CNDP1: variants seen among roughly 807,000 people sequenced by gnomAD.
CNDP1 encodes carnosine dipeptidase 1, also known as beta-Ala-His dipeptidase.
In CNDP1, 44 loss-of-function variants were observed where a neutral mutation model predicts 58.1. The observed-to-expected ratio is 0.76, with a 90% CI of 0.60 to 0.97. CNDP1 has a LOEUF of 0.97. Among genes scored for constraint, CNDP1 ranks in the 50% least tolerant of loss-of-function variants. The probability of loss-of-function intolerance (pLI) is 0.00; values close to 1 mark genes in which losing one functional copy is unlikely to be tolerated. For synonymous variants in CNDP1, 254 were observed against 252.6 expected, an observed-to-expected ratio of 1.01 and a Z score of -0.05; for missense variants, 616 against 655.1, an observed-to-expected ratio of 0.94 and a Z score of 0.65.
chr18:74,547,840 G>A (rs915579839), intron 1 of CNDP1, among the ~76,000 whole-genome samples: 6 of 152,174 alleles, frequency 3.9e-5, no homozygotes, highest in South Asian at 2.1e-4. Context: ...TAAACCTCCC[G>A]CTAAGAGTTA....
At position 74,580,256 on chromosome 18, in the gene CNDP1, A is replaced by G; in HGVS notation, c.1294A>G (p.Arg432Gly). ...IDDTQYLAAK[R>G]AIRTVFGTEP... ...TGACACCCAGTATCTCGCAGCAAAA[A>G]GAGCGATCAGAACAGGTGGGACCTT... is the stretch of plus-strand genomic sequence containing the variant. Residue 432 changes from arginine to glycine, a missense_variant, in exon 10 of 12, where the codon AGA (arginine) becomes GGA (glycine). Transcript: ENST00000358821. 6.2e-7 allele frequency: 1 copy of G among 1,614,166 alleles called. No individual in the cohort carries two copies. The highest frequency in any genetic ancestry group is 8.5e-7 in the Non-Finnish European group (1 of 1,179,994).
rs1312120401 is a variant in CNDP1 at position 74,585,877 on chromosome 18, C to G, written c.*1315C>G. 2.0e-5 allele frequency: 3 copies of G among 151,496 alleles called. No homozygotes were observed. Among genetic ancestry groups the G allele is most frequent in the Non-Finnish European group, 4.4e-5 (3 of 67,932 alleles). The allele number at this position is 151,496 out of a possible 1,614,324, so 9.4% of individuals were successfully genotyped here. A position where few individuals can be genotyped will look rare whatever the true frequency, so the allele number is the denominator to read the frequency against. Reference sequence around the variant, plus strand: ...GGCATGGTGGTGCATGCCTGTAGTCCCAGCTACTCGGGAGGCTGAGGCAGG... The same window carrying G: ...GGCATGGTGGTGCATGCCTGTAGTCGCAGCTACTCGGGAGGCTGAGGCAGG... On this transcript the variant is annotated 3_prime_UTR_variant, in exon 12 of 12. Transcript: ENST00000358821.
chr18:74,549,773 G>A (rs1310727319), intron 1 of CNDP1, among the ~76,000 whole-genome samples: 1 of 152,208 alleles, frequency 6.6e-6, no homozygotes, highest in African/African-American at 2.4e-5. Context: ...AGAGGCCTAG[G>A]AGGACTAAAT....
chr18:74,583,158 C>A (rs1438309704), intron 10 of CNDP1, among the ~76,000 whole-genome samples: 3 of 152,106 alleles, frequency 2.0e-5, no homozygotes, highest in African/African-American at 7.2e-5. Flanking sequence ...AGGCATATAC[C>A]ACCATGCCCA....
At chr18:74,570,356 G>T (rs1018434437) in intron 6 of CNDP1, among the ~76,000 whole-genome samples, 1 of 152,132 alleles carries the variant, frequency 6.6e-6, no homozygotes, top group South Asian at 2.1e-4. Flanking sequence ...GGTCTTGTAA[G>T]GAAGAGACTT....
chr18:74,585,420 T>C lies in CNDP1; in HGVS notation c.*858T>C, dbSNP rs1981885868. On this transcript the variant is annotated 3_prime_UTR_variant, in exon 12 of 12. Coordinates refer to ENST00000358821, the MANE Select transcript of CNDP1 (RefSeq NM_032649.6). ...CATCTAAATTGCTCAAAGCTTTTAA[T>C]AGCATCAGTTTTAGATAGAGAACTA... 1 of 152,236 alleles carries C rather than the reference T, an allele frequency of 6.6e-6. No homozygotes were observed. Among genetic ancestry groups the C allele is most frequent in the African/African-American group, 2.4e-5 (1 of 41,458 alleles). The allele number at this position is 152,236 out of a possible 1,614,324, so 9.4% of individuals were successfully genotyped here. A position where few individuals can be genotyped will look rare whatever the true frequency, so the allele number is the denominator to read the frequency against.
chr18:74,570,218 T>TAATAATAATAA (rs56019800), intron 6 of CNDP1, among the ~76,000 whole-genome samples: 13,441 of 97,730 alleles, frequency 0.14, 950 homozygotes, highest in African/African-American at 0.19. Flanking sequence ...ATAATAATAA[T>TAATAATAATAA]TAATAATAAT....
At chr18:74,581,113 A>T (rs889402527) in intron 10 of CNDP1, among the ~76,000 whole-genome samples, 14 of 151,616 alleles carry the variant, frequency 9.2e-5, no homozygotes, top group African/African-American at 3.4e-4. Flanking sequence ...CTTCCTGGTC[A>T]CAAAGAGACT....
Position 74,573,592 on chromosome 18 carries a change from A to G in CNDP1, c.841+2322A>G, listed in dbSNP as rs138568623. Among the ~76,000 whole-genome samples the G allele has an allele frequency of 8.6e-4, 131 of 152,364 alleles. 1 individual carries two copies. The highest frequency in any genetic ancestry group is 3.4e-3 in the Middle Eastern group (1 of 294). On this transcript the variant is annotated intron_variant, in intron 7 of 11. Transcript: ENST00000358821. ...AGCCATTTTCCCTTAAAGAGTTTAA[A>G]TGGTTTCCAGAAGAATCAGATGGTA...
intron 1 of CNDP1, among the ~76,000 whole-genome samples, chr18:74,538,477 T>G (rs192082003): frequency 3.9e-5 from 6 of 152,366 alleles, no homozygotes; most frequent in Admixed American, 1.3e-4. Context: ...TCGGCTGTTA[T>G]GAATAATGCT....
Position 74,584,657 on chromosome 18 carries a change from G to C in CNDP1, c.*95G>C. 1.0e-6 allele frequency: 1 copy of C among 979,566 alleles called. No individual in the cohort carries two copies. Among genetic ancestry groups the C allele is most frequent in the South Asian group, 1.3e-5 (1 of 75,892 alleles). 60.7% of individuals were successfully genotyped at this position (979,566 alleles called of 1,614,324 possible). A position where few individuals can be genotyped will look rare whatever the true frequency, so the allele number is the denominator to read the frequency against. On this transcript the variant is annotated 3_prime_UTR_variant, in exon 12 of 12. Transcript: ENST00000358821. ...GGAATGTAAATATCCAGAGAATTTG[G>C]GTCTAGTATAGTACATTTTCCCTTC...
chr18:74,547,318 C>T (rs530125533), intron 1 of CNDP1, among the ~76,000 whole-genome samples: 6 of 152,340 alleles, frequency 3.9e-5, no homozygotes, highest in Non-Finnish European at 5.9e-5. Flanking sequence ...GGATGACTGA[C>T]GGTCACTGAG....
rs746297157 is a variant in CNDP1, at chr18:74,578,139, T to C, written c.1003-24T>C. ...CCACTGGGTTCTAATTAAGCATCCT[T>C]TGGATAATTTTATTTTAATATAGGA... is the stretch of plus-strand genomic sequence containing the variant. On this transcript the variant is annotated intron_variant, in intron 8 of 11. Coordinates refer to ENST00000358821, the MANE Select transcript of CNDP1 (RefSeq NM_032649.6). 2.8e-5 allele frequency: 45 copies of C among 1,590,880 alleles called. 1 individual carries two copies. In the Middle Eastern group the frequency reaches 5.8e-4, roughly 21 times the overall value.
At chr18:74,581,155 C>G (rs1367596215) in intron 10 of CNDP1, among the ~76,000 whole-genome samples, 1 of 151,036 alleles carries the variant, frequency 6.6e-6, no homozygotes, top group African/African-American at 2.4e-5. Flanking sequence ...CAGAGTGAGG[C>G]AGGAAGTTGA....
intron 1 of CNDP1, among the ~76,000 whole-genome samples, chr18:74,541,932 T>G (rs1045398297): frequency 2.6e-5 from 4 of 152,102 alleles, no homozygotes; most frequent in African/African-American, 9.7e-5. Flanking sequence ...TCAGAAGGAA[T>G]GGGGCGCATT....
intron 5 of CNDP1, 70 bp downstream of exon 5, chr18:74,562,205 CTGTGT>C: frequency 2.8e-6 from 4 of 1,443,358 alleles, no homozygotes; most frequent in Non-Finnish European, 3.9e-6. Flanking sequence ...GAGTTGTTTG[CTGTGT>C]TCTGAGCAAA....
At chr18:74,536,075 AC>A (rs1980479563) in intron 1 of CNDP1, among the ~76,000 whole-genome samples, 1 of 151,944 alleles carries the variant, frequency 6.6e-6, no homozygotes, top group Non-Finnish European at 1.5e-5. Context: ...TCAATATAAT[AC>A]CCTTTGATAT....
chr18:74,555,576 A>T (rs942436442), intron 1 of CNDP1, among the ~76,000 whole-genome samples: 6 of 152,182 alleles, frequency 3.9e-5, no homozygotes, highest in Non-Finnish European at 7.3e-5. Context: ...GTCAGGGGTC[A>T]AGGAGGAATG....
intron 1 of CNDP1, among the ~76,000 whole-genome samples, chr18:74,551,584 T>G (rs1187675234): frequency 6.6e-6 from 1 of 152,010 alleles, no homozygotes; most frequent in Non-Finnish European, 1.5e-5. Flanking sequence ...GGAGGGAAGA[T>G]GAAGTCGTGC....
Sources: gnomAD v4.1 joint callset for allele counts (sites outside exome capture counted in the v4.1 genomes callset) on GRCh38, gnomAD v4.1.1 for gene constraint, MANE v1.5 for transcripts, NCBI Gene and HGNC (gene_info 2026-07-23, HGNC 2026-07-21) for gene names.